The following NRXN1 variants were observed in gnomAD, a reference collection of about 807,000 sequenced individuals.
NRXN1 encodes neurexin 1, also known as neurexin-1.
Under a neutral mutation model 150.9 loss-of-function variants are expected in NRXN1, and 39 were observed. The ratio of observed to expected loss-of-function variants is 0.26; its 90% CI spans 0.20 to 0.34. The LOEUF (loss-of-function observed/expected upper bound fraction) is 0.34. NRXN1 is among the 10% of genes least tolerant of loss of function. The pLI, the probability that NRXN1 is intolerant of heterozygous loss-of-function variation, is 1.00. For synonymous variants in NRXN1, 924 were observed against 757.0 expected (o/e 1.22, Z -3.62); for missense variants, 1,815 against 1,949.9 (o/e 0.93, Z 1.30).
chr2:50,664,544 T>A (rs1687759772), intron 5 of NRXN1, among the ~76,000 whole-genome samples: 1 of 151,518 alleles, frequency 6.6e-6, no homozygotes, highest in Admixed American at 6.6e-5. Flanking sequence ...AGAATTACCA[T>A]GTGGAACCAA....
intron 5 of NRXN1, among the ~76,000 whole-genome samples, chr2:50,799,753 G>GT (rs1707331779): frequency 6.6e-6 from 1 of 152,130 alleles, no homozygotes; most frequent in Non-Finnish European, 1.5e-5. Context: ...ATGATGTTCA[G>GT]TAAGTTAGGT....
intron 2 of NRXN1, among the ~76,000 whole-genome samples, chr2:50,980,670 T>C (rs1696646630): frequency 6.6e-6 from 1 of 152,126 alleles, no homozygotes; most frequent in Admixed American, 6.6e-5. Flanking sequence ...ATTTTATCTC[T>C]TCAATCAAAA....
At position 50,904,115 on chromosome 2, in the gene NRXN1, T is replaced by C. The variant is rs556969036; in HGVS notation, c.832+17754A>G. On this transcript the variant is annotated intron_variant, in intron 5 of 22. Coordinates refer to ENST00000401669, the MANE Select transcript of NRXN1 (RefSeq NM_001330078.2). ...CCCTCCCCAGAACCCTTAGGCTCAGTAAGGCATGACCTGAAATCCATTAGC... is the reference window on the plus strand; with the variant it reads ...CCCTCCCCAGAACCCTTAGGCTCAGCAAGGCATGACCTGAAATCCATTAGC... Among the ~76,000 whole-genome samples, 13 of 152,236 alleles carry C rather than the reference T, an allele frequency of 8.5e-5. No individual in the cohort carries two copies. In the East Asian group the frequency reaches 2.5e-3, roughly 30 times the overall value.
chr2:50,743,621 T>C (rs1027910501), intron 5 of NRXN1, among the ~76,000 whole-genome samples: 2 of 152,190 alleles, frequency 1.3e-5, no homozygotes, highest in Non-Finnish European at 2.9e-5. Context: ...GTCAGTTAAT[T>C]TGACAAATGT....
chr2:50,073,628 T>G (rs1002708322), intron 19 of NRXN1, among the ~76,000 whole-genome samples: 1 of 152,132 alleles, frequency 6.6e-6, no homozygotes, highest in African/African-American at 2.4e-5. Flanking sequence ...AGAAGCAATT[T>G]GACATTAATA....
chr2:50,300,903 C>A (rs1226713248), intron 17 of NRXN1, among the ~76,000 whole-genome samples: 2 of 152,088 alleles, frequency 1.3e-5, no homozygotes, highest in Non-Finnish European at 2.9e-5. Flanking sequence ...ACCATGTTGG[C>A]CAGGCTGGTC....
chr2:50,879,886 G>T (rs1368566761), intron 5 of NRXN1, among the ~76,000 whole-genome samples: 1 of 151,878 alleles, frequency 6.6e-6, no homozygotes, highest in African/African-American at 2.4e-5. Flanking sequence ...CATGCCCATG[G>T]TTGAGACGTA....
intron 5 of NRXN1, among the ~76,000 whole-genome samples, chr2:50,722,936 C>G (rs1268154944): frequency 6.6e-6 from 1 of 152,076 alleles, no homozygotes; most frequent in Non-Finnish European, 1.5e-5. Context: ...CCAACTCCTC[C>G]TTTGTAATTT....
intron 18 of NRXN1, among the ~76,000 whole-genome samples, chr2:50,133,336 A>C (rs1051467666): frequency 2.0e-5 from 3 of 152,216 alleles, no homozygotes; most frequent in African/African-American, 7.2e-5. Flanking sequence ...ACAACTCAGC[A>C]ATCTGGTTTC....
chr2:50,713,983 T>C (rs1165894588), intron 5 of NRXN1, among the ~76,000 whole-genome samples: 2 of 152,074 alleles, frequency 1.3e-5, no homozygotes, highest in Admixed American at 6.6e-5. Context: ...GATATAAATA[T>C]TGAAGGAACA....
chr2:50,810,574 C>G (rs1399296571), intron 5 of NRXN1, among the ~76,000 whole-genome samples: 1 of 152,188 alleles, frequency 6.6e-6, no homozygotes, highest in African/African-American at 2.4e-5. Flanking sequence ...AAATTTCTGG[C>G]TGAGTTCCAC....
chr2:50,504,289 A>G (rs1332972157), intron 13 of NRXN1, among the ~76,000 whole-genome samples: 2 of 152,158 alleles, frequency 1.3e-5, no homozygotes, highest in African/African-American at 2.4e-5. Flanking sequence ...ATCTATGCAA[A>G]CTTTACTGAA....
At chr2:50,431,118 C>A (rs1025780044) in intron 17 of NRXN1, among the ~76,000 whole-genome samples, 3 of 152,146 alleles carry the variant, frequency 2.0e-5, no homozygotes, top group Non-Finnish European at 4.4e-5. Flanking sequence ...CCCTTTCTAC[C>A]TGATCTGATC....
At chr2:50,729,568 A>G (rs1050378686) in intron 5 of NRXN1, among the ~76,000 whole-genome samples, 1 of 152,180 alleles carries the variant, frequency 6.6e-6, no homozygotes, top group Non-Finnish European at 1.5e-5. Context: ...AGGGTAGTTG[A>G]TATGGCAATT....
intron 8 of NRXN1, among the ~76,000 whole-genome samples, chr2:50,606,570 T>C (rs1318497941): frequency 6.6e-6 from 1 of 150,682 alleles, no homozygotes; most frequent in Non-Finnish European, 1.5e-5. Flanking sequence ...ATTTACATAT[T>C]TGCTAAGTGG....
At chr2:50,938,130 T>C (rs554757656) in intron 2 of NRXN1, among the ~76,000 whole-genome samples, 8 of 152,290 alleles carry the variant, frequency 5.3e-5, no homozygotes, top group Non-Finnish European at 8.8e-5. Context: ...CTTGCAGGAC[T>C]GAAAGTTACT....
chr2:50,788,148 G>A (rs1317185898), intron 5 of NRXN1, among the ~76,000 whole-genome samples: 10 of 150,626 alleles, frequency 6.6e-5, no homozygotes, highest in East Asian at 3.9e-4. Flanking sequence ...GTGTAGTGGC[G>A]CGATCTTGGC....
chr2:50,422,224 T>C (rs6743562), intron 17 of NRXN1, among the ~76,000 whole-genome samples: 49,957 of 152,010 alleles, frequency 0.33, 8,767 homozygotes, highest in African/African-American at 0.44. Flanking sequence ...GGTTCTGGGA[T>C]GTTAGAGGCT....
At chr2:50,813,555 T>G (rs1668520108) in intron 5 of NRXN1, among the ~76,000 whole-genome samples, 1 of 152,198 alleles carries the variant, frequency 6.6e-6, no homozygotes, top group South Asian at 2.1e-4. Context: ...AAGTGCATTT[T>G]TATGAATTCC....
Sources: gnomAD v4.1 joint callset for allele counts (sites outside exome capture counted in the v4.1 genomes callset) on GRCh38, gnomAD v4.1.1 for gene constraint, MANE v1.5 for transcripts, NCBI Gene and HGNC (gene_info 2026-07-23, HGNC 2026-07-21) for gene names.